The following RIPOR2 variants were observed in gnomAD, a reference collection of about 807,000 sequenced individuals.
RIPOR2 encodes the protein rho family-interacting cell polarization regulator 2.
A neutral mutation model predicts 114.5 loss-of-function variants in RIPOR2; 39 were observed. The observed-to-expected ratio is 0.34, with a 90% confidence interval of 0.26 to 0.44. The LOEUF is 0.44. Among genes scored for constraint, RIPOR2 ranks in the 20% least tolerant of loss-of-function variants. The pLI, the probability that RIPOR2 is intolerant of heterozygous loss-of-function variation, is 1.00. For missense variants in RIPOR2, 1,007 were observed against 1,255.1 expected, an observed-to-expected ratio of 0.80 and a Z score of 2.99; for synonymous variants, 445 against 484.4, an observed-to-expected ratio of 0.92 and a Z score of 1.07.
chr6:24,856,818 C>A (rs923990376), intron 8 of RIPOR2, among the ~76,000 whole-genome samples: 5 of 152,030 alleles, frequency 3.3e-5, no homozygotes, highest in African/African-American at 1.2e-4. Flanking sequence ...TATGTAATTA[C>A]AATGGAAGAC....
At chr6:25,023,925 G>T in intron 1 of RIPOR2, 2 of 724,972 alleles carry the variant, frequency 2.8e-6, no homozygotes, top group Admixed American at 3.5e-5. Flanking sequence ...CAGCCTCGTA[G>T]CTGATGTGCA....
At chr6:24,927,565 TACC>T (rs1771053260) in intron 1 of RIPOR2, among the ~76,000 whole-genome samples, 2 of 149,316 alleles carry the variant, frequency 1.3e-5, no homozygotes, top group East Asian at 2.0e-4. Context: ...ATCATCACCT[TACC>T]ACCACCACAA....
intron 1 of RIPOR2, among the ~76,000 whole-genome samples, chr6:24,967,909 CTTTTTT>C (rs35997558): frequency 2.4e-5 from 3 of 123,512 alleles, no homozygotes; most frequent in Non-Finnish European, 5.0e-5. Context: ...AGATCTCAAT[CTTTTTT>C]TTTTTTTTTT....
intron 1 of RIPOR2, among the ~76,000 whole-genome samples, chr6:24,897,428 A>G (rs1318675989): frequency 2.0e-5 from 3 of 152,232 alleles, no homozygotes; most frequent in Non-Finnish European, 4.4e-5. Flanking sequence ...AGGTGGCTGC[A>G]CACAGCCAGT....
intron 12 of RIPOR2, among the ~76,000 whole-genome samples, chr6:24,846,871 A>G (rs1231721139): frequency 6.6e-6 from 1 of 152,252 alleles, no homozygotes; most frequent in Non-Finnish European, 1.5e-5. Context: ...AAACATTATA[A>G]TAAACTAAGA....
chr6:24,849,651 A>T, intron 11 of RIPOR2, 151 bp downstream of exon 11: 6 of 670,426 alleles, frequency 8.9e-6, no homozygotes, highest in Non-Finnish European at 1.5e-5. Flanking sequence ...GGGCCTGAGC[A>T]ATTCTGACAC....
chr6:24,861,873 T>C (rs1764103672), intron 7 of RIPOR2, among the ~76,000 whole-genome samples: 1 of 152,242 alleles, frequency 6.6e-6, no homozygotes, highest in South Asian at 2.1e-4. Context: ...TGGTGTTCAA[T>C]GTACAAGTCT....
At chr6:24,910,188 C>T (rs778637045) in intron 1 of RIPOR2, among the ~76,000 whole-genome samples, 2 of 152,180 alleles carry the variant, frequency 1.3e-5, no homozygotes, top group Non-Finnish European at 1.5e-5. Context: ...CCCCATCTTT[C>T]CAGACACAGA....
intron 1 of RIPOR2, among the ~76,000 whole-genome samples, chr6:25,025,356 A>T (rs1776559373): frequency 6.6e-6 from 1 of 152,116 alleles, no homozygotes; most frequent in Admixed American, 6.6e-5. Flanking sequence ...TGGAGATAGT[A>T]CTTTGGATTT....
At chr6:24,890,550 G>T (rs1178053416) in intron 1 of RIPOR2, among the ~76,000 whole-genome samples, 1 of 152,110 alleles carries the variant, frequency 6.6e-6, no homozygotes, top group Non-Finnish European at 1.5e-5. Flanking sequence ...TGGATACCAT[G>T]TATGTTATTT....
intron 1 of RIPOR2, among the ~76,000 whole-genome samples, chr6:24,996,090 C>T (rs142400599): frequency 2.0e-5 from 3 of 152,338 alleles, no homozygotes; most frequent in East Asian, 1.9e-4. Context: ...GCGTGAGCCA[C>T]CACGCCTGGC....
chr6:24,889,981 T>C (rs143094752), intron 1 of RIPOR2, among the ~76,000 whole-genome samples: 5,988 of 152,198 alleles, frequency 0.039, 288 homozygotes, highest in African/African-American at 0.11. Context: ...AACCTCTGCC[T>C]CCCGGGTTCA....
At chr6:25,012,961 C>T (rs1266789110) in intron 1 of RIPOR2, among the ~76,000 whole-genome samples, 1 of 151,174 alleles carries the variant, frequency 6.6e-6, no homozygotes, top group African/African-American at 2.4e-5. Flanking sequence ...GGATGGGGGG[C>T]CAGGATCACT....
At chr6:24,961,416 G>T (rs748516237) in intron 1 of RIPOR2, among the ~76,000 whole-genome samples, 1 of 152,122 alleles carries the variant, frequency 6.6e-6, no homozygotes, top group Non-Finnish European at 1.5e-5. Flanking sequence ...AAAGCCAGGG[G>T]TTGATGCATA....
chr6:24,996,955 C>T (rs775571125), intron 1 of RIPOR2, among the ~76,000 whole-genome samples: 3 of 152,198 alleles, frequency 2.0e-5, no homozygotes, highest in Admixed American at 6.5e-5. Context: ...TTTTATGGGT[C>T]TAACTTGTTT....
At chr6:25,039,857 AT>A (rs1301630123) in intron 1 of RIPOR2, among the ~76,000 whole-genome samples, 1 of 152,248 alleles carries the variant, frequency 6.6e-6, no homozygotes, top group Non-Finnish European at 1.5e-5. Flanking sequence ...GAGAAAACTG[AT>A]GGCTTCTTCA....
intron 1 of RIPOR2, among the ~76,000 whole-genome samples, chr6:24,950,345 TCCTC>T (rs1561802216): frequency 1.3e-5 from 2 of 152,178 alleles, no homozygotes; most frequent in Non-Finnish European, 2.9e-5. Flanking sequence ...TCTCTTTTCT[TCCTC>T]CCTCCCTCCC....
chr6:24,939,438 G>A (rs1771995773), upstream of RIPOR2, among the ~76,000 whole-genome samples: 1 of 152,100 alleles, frequency 6.6e-6, no homozygotes, highest in Non-Finnish European at 1.5e-5. Context: ...ATCAGGAAGA[G>A]GACCATGAGG....
intron 1 of RIPOR2, chr6:25,023,843 G>T (rs144862707): frequency 4.3e-4 from 320 of 736,858 alleles, no homozygotes; most frequent in Middle Eastern, 1.1e-3. Context: ...GGGGTGTTGG[G>T]GGCTTTGACC....
Sources: gnomAD v4.1 joint callset for allele counts (sites outside exome capture counted in the v4.1 genomes callset) on GRCh38, gnomAD v4.1.1 for gene constraint, MANE v1.5 for transcripts, NCBI Gene and HGNC (gene_info 2026-07-23, HGNC 2026-07-21) for gene names.